Variants in ELP3 observed in about 807,000 individuals in gnomAD.
ELP3 encodes the protein elongator acetyltransferase complex subunit 3.
Under a neutral mutation model 74.9 loss-of-function variants are expected in ELP3, and 56 were observed. The observed-to-expected ratio is 0.75, with a 90% CI of 0.60 to 0.93. The LOEUF (loss-of-function observed/expected upper bound fraction) is 0.93, where lower values mean the gene tolerates loss of function less well. ELP3 is among the 40% of genes least tolerant of loss of function. The pLI, the probability that ELP3 is intolerant of heterozygous loss-of-function variation, is 0.00. For missense variants in ELP3, 573 were observed against 686.5 expected, an observed-to-expected ratio of 0.83 and a Z score of 1.85; for synonymous variants, 222 against 239.8, an observed-to-expected ratio of 0.93 and a Z score of 0.68.
At position 28,097,978 on chromosome 8, in the gene ELP3, T is replaced by G. The variant is rs78382745; in HGVS notation, c.119+660T>G. 4.3e-4 allele frequency among the ~76,000 whole-genome samples: 66 copies of G among 152,272 alleles called. No homozygotes were observed. The East Asian group carries it at 0.012, about 28-fold the overall frequency. On this transcript the variant is annotated intron_variant, in intron 2 of 14. Coordinates refer to ENST00000256398, the MANE Select transcript of ELP3 (RefSeq NM_018091.6). Reference sequence around the variant, plus strand: ...AGGTCAGCCGTCTCCAGAGCCCATGTTCTTCTGTGCTGCATCGCTGCACAT... The same window carrying G: ...AGGTCAGCCGTCTCCAGAGCCCATGGTCTTCTGTGCTGCATCGCTGCACAT...
intron 14 of ELP3, among the ~76,000 whole-genome samples, chr8:28,165,886 A>G (rs1244315205): frequency 6.6e-6 from 1 of 152,192 alleles, no homozygotes; most frequent in East Asian, 1.9e-4. Context: ...TGTGTATTTT[A>G]TAGCAGATTA....
intron 7 of ELP3, among the ~76,000 whole-genome samples, chr8:28,119,717 C>T (rs1286594547): frequency 1.3e-5 from 2 of 150,704 alleles, no homozygotes; most frequent in East Asian, 1.9e-4. Context: ...CAGAATGTCA[C>T]CGTCATCCCA....
chr8:28,099,704 C>A, intron 2 of ELP3, 124 bp from the exon 3 acceptor site: 1 of 1,070,010 alleles, frequency 9.3e-7, no homozygotes, highest in Non-Finnish European at 1.4e-6. Flanking sequence ...TTAAAACTAT[C>A]CTTGTCACGT....
At chr8:28,170,659 T>C (rs1276335603) in intron 14 of ELP3, among the ~76,000 whole-genome samples, 1 of 152,176 alleles carries the variant, frequency 6.6e-6, no homozygotes, top group Non-Finnish European at 1.5e-5. Context: ...AATACTTATT[T>C]TCCCCCTACA....
chr8:28,170,359 T>G (rs1433758099), intron 14 of ELP3, among the ~76,000 whole-genome samples: 3 of 152,182 alleles, frequency 2.0e-5, no homozygotes, highest in African/African-American at 4.8e-5. Flanking sequence ...TCAAGAATTC[T>G]TGTCCCAACC....
At position 28,113,186 on chromosome 8, in the gene ELP3, T is replaced by G; in HGVS notation, c.617+13T>G. The G allele has an allele frequency of 6.2e-7, 1 of 1,609,598 alleles. No individual in the cohort carries two copies. Among genetic ancestry groups the G allele is most frequent in the South Asian group, 1.1e-5 (1 of 90,386 alleles). ...ACGAGGCAGTCAAGTAAGAAATTCTTATTTTATCATAGTCTCCAGAGTGGT... is the reference window on the plus strand; with the variant it reads ...ACGAGGCAGTCAAGTAAGAAATTCTGATTTTATCATAGTCTCCAGAGTGGT... On this transcript the variant is annotated intron_variant, in intron 7 of 14. Transcript: ENST00000256398.
chr8:28,106,675 A>G, intron 3 of ELP3, 38 bp from the exon 4 acceptor site: 6 of 1,565,744 alleles, frequency 3.8e-6, no homozygotes, highest in Non-Finnish European at 5.3e-6. Flanking sequence ...TATATTAATT[A>G]TCCTATAATA....
Position 28,099,883 on chromosome 8 carries a change from G to A in ELP3, c.175G>A (p.Asp59Asn). Residue 59 changes from aspartate (D) to asparagine (N), a missense_variant, in exon 3 of 15, where the codon GAT becomes AAT. Coordinates refer to ENST00000256398, the MANE Select transcript of ELP3 (RefSeq NM_018091.6). Reference sequence around the variant, plus strand: ...CCTTTCTGCCCAGCCCCGCCTGGTGGATATCATTGCTGCCGTCCCTCCTCA... The same window carrying A: ...CCTTTCTGCCCAGCCCCGCCTGGTGAATATCATTGCTGCCGTCCCTCCTCA... ...YGLSAQPRLV[D>N]IIAAVPPQYR... 6.2e-7 allele frequency: 1 copy of A among 1,614,250 alleles called. No homozygotes were observed. Among genetic ancestry groups the A allele is most frequent in the Non-Finnish European group, 8.5e-7 (1 of 1,180,046 alleles).
At chr8:28,133,501 T>G (rs957668931) in intron 9 of ELP3, among the ~76,000 whole-genome samples, 4 of 151,830 alleles carry the variant, frequency 2.6e-5, no homozygotes, top group African/African-American at 9.7e-5. Flanking sequence ...AACTCTGGGT[T>G]GTTTTATTGT....
intron 6 of ELP3, among the ~76,000 whole-genome samples, chr8:28,112,306 TA>T (rs1292476853): frequency 6.6e-6 from 1 of 152,140 alleles, no homozygotes; most frequent in Non-Finnish European, 1.5e-5. Context: ...CTAATTTTTA[TA>T]TTTTTAGTAG....
chr8:28,111,187 G>T (rs970427463), intron 6 of ELP3, among the ~76,000 whole-genome samples: 1 of 152,188 alleles, frequency 6.6e-6, no homozygotes, highest in Non-Finnish European at 1.5e-5. Flanking sequence ...GGTCATGGTG[G>T]TGGTTACATA....
chr8:28,133,171 T>C (rs984818810), intron 9 of ELP3, among the ~76,000 whole-genome samples: 1 of 152,190 alleles, frequency 6.6e-6, no homozygotes, highest in African/African-American at 2.4e-5. Flanking sequence ...CCATTTTAAC[T>C]TGCATTTTGA....
At chr8:28,128,268 G>A (rs1585677840) in intron 7 of ELP3, among the ~76,000 whole-genome samples, 1 of 152,066 alleles carries the variant, frequency 6.6e-6, no homozygotes, top group East Asian at 1.9e-4. Flanking sequence ...GAGGTCAGGA[G>A]TTCGAGACCA....
chr8:28,159,371 A>C (rs1813975878), intron 12 of ELP3, among the ~76,000 whole-genome samples: 2 of 152,210 alleles, frequency 1.3e-5, no homozygotes. Flanking sequence ...GAAAAAGTAG[A>C]CCCAACACAA....
chr8:28,119,611 TA>T (rs1812282698), intron 7 of ELP3, among the ~76,000 whole-genome samples: 1 of 122,756 alleles, frequency 8.1e-6, no homozygotes, highest in Non-Finnish European at 1.7e-5. Context: ...TATATATATA[TA>T]TATATATATA....
intron 14 of ELP3, 135 bp from the exon 15 acceptor site, chr8:28,189,514 T>C (rs1815372640): frequency 1.4e-6 from 1 of 720,332 alleles, no homozygotes; most frequent in Non-Finnish European, 2.4e-6. Context: ...TGTTCCAAAC[T>C]TATTAAGCTG....
chr8:28,124,654 T>C (rs547825564), intron 7 of ELP3, among the ~76,000 whole-genome samples: 8 of 152,302 alleles, frequency 5.3e-5, no homozygotes, highest in African/African-American at 1.9e-4. Context: ...TGCTGCTGGT[T>C]CTTTAGCTAC....
intron 14 of ELP3, among the ~76,000 whole-genome samples, chr8:28,176,895 G>A (rs1814779507): frequency 1.3e-5 from 2 of 152,012 alleles, no homozygotes; most frequent in South Asian, 4.2e-4. Context: ...GTTGATTGTG[G>A]GCCATCCTAT....
intron 14 of ELP3, among the ~76,000 whole-genome samples, chr8:28,178,329 G>A (rs1017796114): frequency 2.0e-5 from 3 of 152,142 alleles, no homozygotes; most frequent in Admixed American, 6.5e-5. Flanking sequence ...TCAATAACCA[G>A]CATCCAAGAA....
Sources: allele counts gnomAD v4.1 joint callset (sites outside exome capture counted in the v4.1 genomes callset), GRCh38; gene constraint gnomAD v4.1.1; transcripts MANE v1.5; gene names NCBI Gene and HGNC (gene_info 2026-07-23, HGNC 2026-07-21).